The following RNFT2 variants were observed in gnomAD, a reference collection of about 807,000 sequenced individuals.
RNFT2 encodes ring finger protein, transmembrane 2, also known as E3 ubiquitin-protein ligase RNFT2.
RNFT2 carries 36 observed loss-of-function variants against 53.0 expected under a neutral mutation model. The ratio of observed to expected loss-of-function variants is 0.68; its 90% CI spans 0.52 to 0.90. The LOEUF (loss-of-function observed/expected upper bound fraction) is 0.90. Ranked by LOEUF, RNFT2 falls within the 40% of genes least tolerant of loss-of-function variation. The pLI is 0.00. For synonymous variants in RNFT2, 260 were observed against 253.2 expected, an observed-to-expected ratio of 1.03 and a Z score of -0.26; for missense variants, 514 against 585.6, an observed-to-expected ratio of 0.88 and a Z score of 1.26.
In RNFT2 at chr12:116,852,878, C is replaced by T. The variant is rs567145745; in HGVS notation, c.*3430C>T. ...TAACAATGTAGGTTACTAGTGAATA[C>T]CCCAATGGTTTCTCCAATTATGCCC... On this transcript the variant is annotated 3_prime_UTR_variant, in exon 11 of 11. Coordinates refer to ENST00000257575, the MANE Select transcript of RNFT2 (RefSeq NM_001382266.1). 3.4e-5 allele frequency: 22 copies of T among 651,288 alleles called. No individual in the cohort carries two copies. Among genetic ancestry groups the T allele is most frequent in the South Asian group, 2.8e-4 (14 of 50,552 alleles). 40.3% of individuals were successfully genotyped at this position (651,288 alleles called of 1,614,324 possible).
At chr12:116,754,365 A>G (rs1037699184) in intron 5 of RNFT2, among the ~76,000 whole-genome samples, 1 of 152,020 alleles carries the variant, frequency 6.6e-6, no homozygotes, top group East Asian at 1.9e-4. Context: ...ATACACCACA[A>G]TTTCTTTATA....
intron 7 of RNFT2, among the ~76,000 whole-genome samples, chr12:116,826,962 C>A (rs1043856862): frequency 6.6e-6 from 1 of 151,792 alleles, no homozygotes. Context: ...GTGAATCATA[C>A]CTGTAAACAG....
chr12:116,835,886 G>A, intron 8 of RNFT2, 74 bp from the exon 9 acceptor site: 1 of 1,511,058 alleles, frequency 6.6e-7, no homozygotes, highest in Non-Finnish European at 9.2e-7. Context: ...GTCAGAGGAT[G>A]GGGTGGGGTG....
chr12:116,846,171 A>G (rs1877601944), intron 10 of RNFT2, among the ~76,000 whole-genome samples: 1 of 152,174 alleles, frequency 6.6e-6, no homozygotes, highest in Admixed American at 6.5e-5. Context: ...CAGATAATAA[A>G]CTGTAAACAC....
chr12:116,749,734 C>A, intron 3 of RNFT2, 107 bp from the exon 4 acceptor site: 1 of 996,068 alleles, frequency 1.0e-6, no homozygotes, highest in Non-Finnish European at 1.5e-6. Flanking sequence ...GAGGGGGACA[C>A]AGCTCAACCC....
chr12:116,795,674 A>G (rs1874469495), intron 7 of RNFT2, among the ~76,000 whole-genome samples: 2 of 152,220 alleles, frequency 1.3e-5, no homozygotes, highest in Non-Finnish European at 2.9e-5. Flanking sequence ...TCTTAGGACA[A>G]AGTTTAATTC....
At chr12:116,777,919 C>T (rs1159044361) in intron 6 of RNFT2, among the ~76,000 whole-genome samples, 1 of 152,206 alleles carries the variant, frequency 6.6e-6, no homozygotes, top group Non-Finnish European at 1.5e-5. Flanking sequence ...CTGACCACCT[C>T]TCCAAGCCTC....
chr12:116,809,789 C>T (rs935002278), intron 7 of RNFT2, among the ~76,000 whole-genome samples: 5 of 152,170 alleles, frequency 3.3e-5, no homozygotes, highest in Admixed American at 2.0e-4. Flanking sequence ...TCTCCTGCCT[C>T]AGCCTCCTGA....
chr12:116,798,140 G>A (rs1007760291), intron 7 of RNFT2, among the ~76,000 whole-genome samples: 4 of 151,926 alleles, frequency 2.6e-5, no homozygotes, highest in African/African-American at 9.7e-5. Flanking sequence ...CAGGCACAGA[G>A]GAAAGATCAC....
At chr12:116,811,969 G>A (rs188102774) in intron 7 of RNFT2, among the ~76,000 whole-genome samples, 44 of 152,274 alleles carry the variant, frequency 2.9e-4, no homozygotes, top group Admixed American at 2.6e-3. Flanking sequence ...ATATACCCTC[G>A]GGTGAGTGAG....
At chr12:116,763,884 G>GA (rs1351542619) in intron 5 of RNFT2, among the ~76,000 whole-genome samples, 2 of 151,750 alleles carry the variant, frequency 1.3e-5, no homozygotes, top group African/African-American at 2.4e-5. Context: ...GTCATTATAC[G>GA]AAAAAAATAC....
At chr12:116,776,411 C>G (rs1056531608) in intron 6 of RNFT2, among the ~76,000 whole-genome samples, 2 of 152,170 alleles carry the variant, frequency 1.3e-5, no homozygotes, top group African/African-American at 4.8e-5. Flanking sequence ...ACCAACCAGC[C>G]TGGGATATCC....
chr12:116,776,279 TG>T (rs1295026415), intron 6 of RNFT2, among the ~76,000 whole-genome samples: 2 of 152,264 alleles, frequency 1.3e-5, no homozygotes, highest in East Asian at 3.9e-4. Context: ...AACACCAACT[TG>T]TGTCCAAGAT....
rs1871585127 is a variant in RNFT2, at chr12:116,741,076, A to G, written c.65A>G (p.Asp22Gly). The G allele has an allele frequency of 1.2e-6, 2 of 1,610,706 alleles. No homozygotes were observed. The highest frequency in any genetic ancestry group is 1.7e-5 in the Admixed American group (1 of 59,558). Residue 22 changes from aspartate to glycine, a missense_variant, in exon 3 of 11, where the codon GAT (aspartate) becomes GGT (glycine). Physicochemically the swap from Asp to Gly is moderately conservative, Grantham distance 94 (BLOSUM62 -1). Coordinates refer to ENST00000257575, the MANE Select transcript of RNFT2 (RefSeq NM_001382266.1). ...CAGAGACGCCACAGCAGCAACACGGATAACATTCCACCTGAAAGGTAGGCA... is the reference window on the plus strand; with the variant it reads ...CAGAGACGCCACAGCAGCAACACGGGTAACATTCCACCTGAAAGGTAGGCA... ...KMQRRHSSNT[D>G]NIPPERNRSQ...
At chr12:116,776,651 G>C (rs1873442084) in intron 6 of RNFT2, among the ~76,000 whole-genome samples, 1 of 152,288 alleles carries the variant, frequency 6.6e-6, no homozygotes, top group South Asian at 2.1e-4. Context: ...GCCTCATTTT[G>C]CACCTTTTTC....
intron 3 of RNFT2, among the ~76,000 whole-genome samples, chr12:116,744,225 CA>C (rs5801197): frequency 1.1e-3 from 113 of 100,018 alleles, no homozygotes; most frequent in South Asian, 3.2e-3. Flanking sequence ...GACTCCTCCT[CA>C]AAAAAAAAAA....
At chr12:116,748,838 TCTCCCCTG>T in intron 3 of RNFT2, 1 of 240,554 alleles carries the variant, frequency 4.2e-6, no homozygotes, top group South Asian at 3.5e-5. Context: ...TGGGTTCGAA[TCTCCCCTG>T]CTCCATCCCT....
At chr12:116,790,306 A>T (rs987819854) in intron 7 of RNFT2, among the ~76,000 whole-genome samples, 1 of 152,212 alleles carries the variant, frequency 6.6e-6, no homozygotes, top group African/African-American at 2.4e-5. Context: ...TGCCAGCTAC[A>T]TGCCCCACTC....
intron 6 of RNFT2, among the ~76,000 whole-genome samples, chr12:116,775,066 G>A (rs1436534176): frequency 6.6e-6 from 1 of 151,990 alleles, no homozygotes; most frequent in East Asian, 1.9e-4. Flanking sequence ...GTTTGAACCA[G>A]CCTGGCCAAC....
Sources: allele counts gnomAD v4.1 joint callset (sites outside exome capture counted in the v4.1 genomes callset), GRCh38; gene constraint gnomAD v4.1.1; transcripts MANE v1.5; gene names NCBI Gene and HGNC (gene_info 2026-07-23, HGNC 2026-07-21).